The following TET3 variants were observed in gnomAD, a reference collection of about 807,000 sequenced individuals.
The protein encoded by TET3 is methylcytosine dioxygenase TET3.
Under a neutral mutation model 141.4 loss-of-function variants are expected in TET3, and 19 were observed. That is an observed-to-expected ratio of 0.13 (90% CI 0.09 to 0.20). The LOEUF is 0.20. Among genes scored for constraint, TET3 ranks in the 10% least tolerant of loss-of-function variants. The pLI is 1.00. For missense variants in TET3, 1,874 were observed against 2,356.9 expected, an observed-to-expected ratio of 0.80 and a Z score of 4.24; for synonymous variants, 1,043 against 980.9, an observed-to-expected ratio of 1.06 and a Z score of -1.18.
At chr2:73,992,854 A>G (rs1684404225) in intron 2 of TET3, among the ~76,000 whole-genome samples, 1 of 152,240 alleles carries the variant, frequency 6.6e-6, no homozygotes, top group Non-Finnish European at 1.5e-5. Flanking sequence ...TTAGAAAGGC[A>G]GGTGATAAAC....
intron 1 of TET3, among the ~76,000 whole-genome samples, chr2:73,985,697 C>T (rs1046008871): frequency 1.3e-5 from 2 of 152,070 alleles, no homozygotes; most frequent in Non-Finnish European, 2.9e-5. Context: ...TTTGGTGAAA[C>T]TCTCACCAGC....
the TET3 span, among the ~76,000 whole-genome samples, chr2:74,126,181 GGTCA>G: frequency 0.21 from 31,677 of 151,998 alleles, 3,577 homozygotes; most frequent in East Asian, 0.41. Flanking sequence ...GGAGAAATTT[GGTCA>G]GTTAACCTGT....
rs771119774 is a variant in TET3, at chr2:74,101,045, G to T, written c.4257G>T (p.Lys1419Asn). The change falls in exon 12 of 12, where the codon AAG (lysine) becomes AAT (asparagine). Residue 1419 changes from lysine (K) to asparagine (N), a missense_variant. By Grantham distance (94) the Lys-to-Asn change is moderately conservative. This residue lies in a region of TET3 where 602 missense variants were observed against 590.2 expected (regional missense o/e 1.02). Coordinates refer to ENST00000409262, the MANE Select transcript of TET3 (RefSeq NM_001287491.2). This position sits in a 1 kb window ranked among gnomAD's most constrained non-coding sequence, Gnocchi z 8.5. ...CCAGAGACGCTGGCAAGATGGGCAAGACACCTCTGTCCGAGGTGTCTCAGA... is the reference window on the plus strand; with the variant it reads ...CCAGAGACGCTGGCAAGATGGGCAATACACCTCTGTCCGAGGTGTCTCAGA... ...PVPRDAGKMG[K>N]TPLSEVSQNG... 6.2e-7 allele frequency: 1 copy of T among 1,613,244 alleles called. No individual in the cohort carries two copies. The highest frequency in any genetic ancestry group is 8.5e-7 in the Non-Finnish European group (1 of 1,179,536).
intron 4 of TET3, among the ~76,000 whole-genome samples, chr2:74,058,520 A>G (rs1408301446): frequency 6.6e-6 from 1 of 150,708 alleles, no homozygotes; most frequent in Non-Finnish European, 1.5e-5. Context: ...ATCACCTACA[A>G]GTTTAAAAAA....
intron 6 of TET3, 62 bp downstream of exon 6, chr2:74,080,653 G>C: frequency 2.2e-6 from 3 of 1,357,064 alleles, no homozygotes; most frequent in Admixed American, 2.1e-5. Context: ...GCATGGCCAC[G>C]GCTGTGCCTG....
At chr2:74,080,267 C>T (rs1689733966) in intron 5 of TET3, among the ~76,000 whole-genome samples, 3 of 152,188 alleles carry the variant, frequency 2.0e-5, no homozygotes, top group East Asian at 1.9e-4. Context: ...AGAGGGGGCC[C>T]GATGGGCGGG....
In TET3 at chr2:74,101,190, G is replaced by A. The variant is rs200199642; in HGVS notation, c.4402G>A (p.Val1468Ile). Residue 1468 changes from valine to isoleucine, a missense_variant, in exon 12 of 12, where the codon GTC becomes ATC. This residue lies in a region of TET3 where 602 missense variants were observed against 590.2 expected (regional missense o/e 1.02). Coordinates refer to ENST00000409262, the MANE Select transcript of TET3 (RefSeq NM_001287491.2). The surrounding 1 kb of genome is among the most constrained non-coding windows in gnomAD (Gnocchi z 8.5). ...CTCGTCTGGGGAGAGTCCTGCCATCGTCCCTGACAAGCTCAGTTCCTTTGG... is the reference window on the plus strand; with the variant it reads ...CTCGTCTGGGGAGAGTCCTGCCATCATCCCTGACAAGCTCAGTTCCTTTGG... ...VFSSGESPAI[V>I]PDKLSSFGAS... 2.3e-4 allele frequency: 376 copies of A among 1,613,632 alleles called. 1 individual carries two copies. Among genetic ancestry groups the A allele is most frequent in the African/African-American group, 6.0e-4 (45 of 75,046 alleles).
chr2:73,985,457 C>T (rs1373286816), intron 1 of TET3, among the ~76,000 whole-genome samples: 2 of 142,914 alleles, frequency 1.4e-5, no homozygotes, highest in Non-Finnish European at 3.1e-5. Context: ...CCCCCCTCCC[C>T]GCGCCCCTCG....
At chr2:74,049,370 TGAG>T (rs1394762835) in intron 4 of TET3, among the ~76,000 whole-genome samples, 1 of 152,108 alleles carries the variant, frequency 6.6e-6, no homozygotes, top group African/African-American at 2.4e-5. Context: ...GAGAACGCGT[TGAG>T]GAGTTGAGTC....
chr2:74,088,098 A>T, intron 7 of TET3, 60 bp downstream of exon 7: 1 of 1,495,650 alleles, frequency 6.7e-7, no homozygotes. Flanking sequence ...CAGCAAATAC[A>T]GGAGACTGCA....
Position 74,030,072 on chromosome 2 carries a change from CTGTT to C in TET3, c.361-16201_361-16198del, listed in dbSNP as rs540195156. Among the ~76,000 whole-genome samples the C allele has an allele frequency of 2.2e-3, 339 of 152,246 alleles. 4 individuals are homozygous for C. The highest frequency in any genetic ancestry group is 7.9e-3 in the African/African-American group (329 of 41,512). ...AAGTCCCTATCCAAGAGAAAGGACT[CTGTT>C]TGTTCACTACTCTATCCACAAAGAA... is the stretch of plus-strand genomic sequence containing the variant. On this transcript the variant is annotated intron_variant, in intron 3 of 11. Transcript: ENST00000409262.
At chr2:74,051,575 T>C (rs1687945531) in intron 4 of TET3, among the ~76,000 whole-genome samples, 1 of 152,198 alleles carries the variant, frequency 6.6e-6, no homozygotes, top group South Asian at 2.1e-4. Flanking sequence ...GGTGGATTGG[T>C]GAAGGGTGAT....
chr2:74,040,299 G>A (rs767492461), intron 3 of TET3, among the ~76,000 whole-genome samples: 1 of 152,078 alleles, frequency 6.6e-6, no homozygotes, highest in Non-Finnish European at 1.5e-5. Context: ...GTTGCTTAAA[G>A]GACCGACTGT....
intron 4 of TET3, among the ~76,000 whole-genome samples, chr2:74,061,150 C>G (rs1275604998): frequency 8.7e-5 from 13 of 149,118 alleles, no homozygotes; most frequent in East Asian, 2.0e-4. Flanking sequence ...GGGGCTGACC[C>G]CCCCCACTTC....
intron 6 of TET3, among the ~76,000 whole-genome samples, chr2:74,080,859 G>A (rs928634543): frequency 2.0e-5 from 3 of 152,160 alleles, no homozygotes; most frequent in Admixed American, 6.5e-5. Flanking sequence ...GGTCAGCCTT[G>A]GAACTGTGTT....
intron 11 of TET3, 88 bp downstream of exon 11, chr2:74,099,700 A>G: frequency 7.6e-7 from 1 of 1,309,204 alleles, no homozygotes; most frequent in Non-Finnish European, 1.0e-6. Flanking sequence ...CCTGCATCAC[A>G]CTGGAACTGG....
At chr2:74,048,649 T>C (rs1257556185) in intron 4 of TET3, among the ~76,000 whole-genome samples, 1 of 152,082 alleles carries the variant, frequency 6.6e-6, no homozygotes, top group African/African-American at 2.4e-5. Flanking sequence ...AATACACAAA[T>C]GGAGTTGAAG....
At chr2:74,096,716 C>T (rs893942800) in intron 10 of TET3, among the ~76,000 whole-genome samples, 16 of 150,906 alleles carry the variant, frequency 1.1e-4, no homozygotes, top group Admixed American at 3.3e-4. Flanking sequence ...TGCAGTGAGC[C>T]GAGATGGCGC....
At position 73,986,619 on chromosome 2, in the gene TET3, C is replaced by T; in HGVS notation, c.216C>T (p.Cys72=). Residue 72 remains cysteine, a synonymous_variant, in exon 2 of 12, where the codon TGC becomes TGT. Coordinates refer to ENST00000409262, the MANE Select transcript of TET3 (RefSeq NM_001287491.2). ...PCRRLENCGA[C]TSCTNRRTHQ... ...GGCGGCTGGAAAACTGTGGCGCTTG[C>T]ACTAGCTGTACCAACCGCCGCACGC... is the stretch of plus-strand genomic sequence containing the variant. 1 of 1,232,164 alleles carries T rather than the reference C, an allele frequency of 8.1e-7. No homozygotes were observed. Among genetic ancestry groups the T allele is most frequent in the Non-Finnish European group, 1.0e-6 (1 of 987,992 alleles). The allele number at this position is 1,232,164 out of a possible 1,614,324, so 76.3% of individuals were successfully genotyped here. A position where few individuals can be genotyped will look rare whatever the true frequency, so the allele number is the denominator to read the frequency against.
Sources: allele counts gnomAD v4.1 joint callset (sites outside exome capture counted in the v4.1 genomes callset), GRCh38; gene constraint gnomAD v4.1.1; regional missense constraint gnomAD v4.1.1; non-coding constraint Gnocchi (gnomAD v3.1); transcripts MANE v1.5; gene names NCBI Gene and HGNC (gene_info 2026-07-23, HGNC 2026-07-21).